ANK3: variants seen among roughly 807,000 people sequenced by gnomAD.
ANK3 encodes the protein ankyrin 3.
In ANK3, 57 loss-of-function variants were observed where a neutral mutation model predicts 370.9. That is an observed-to-expected ratio of 0.15 (90% CI 0.12 to 0.19). The LOEUF is 0.19. Ranked by LOEUF, ANK3 falls within the 10% of genes least tolerant of loss-of-function variation. The pLI is 1.00. For missense variants in ANK3, 4,439 were observed against 5,302.1 expected (o/e 0.84, Z 5.06); for synonymous variants, 1,929 against 1,946.3 (o/e 0.99, Z 0.23).
intron 1 of ANK3, among the ~76,000 whole-genome samples, chr10:60,615,909 C>T (rs531973495): frequency 6.6e-6 from 1 of 152,158 alleles, no homozygotes; most frequent in South Asian, 2.1e-4. Context: ...GGAAGAAATA[C>T]CTTTAGCTCA....
intron 1 of ANK3, among the ~76,000 whole-genome samples, chr10:60,281,652 C>T (rs943280677): frequency 2.0e-5 from 3 of 152,128 alleles, no homozygotes; most frequent in Non-Finnish European, 4.4e-5. Flanking sequence ...ATGAATGCAT[C>T]AACAAATAAG....
At chr10:60,180,703 C>T (rs1419112582) in intron 18 of ANK3, among the ~76,000 whole-genome samples, 1 of 149,366 alleles carries the variant, frequency 6.7e-6, no homozygotes, top group African/African-American at 2.5e-5. Context: ...AGAAAATTTT[C>T]AAAGAAATGT....
intron 2 of ANK3, among the ~76,000 whole-genome samples, chr10:60,405,281 C>T (rs2132913710): frequency 6.6e-6 from 1 of 152,134 alleles, no homozygotes; most frequent in Middle Eastern, 3.4e-3. Context: ...TGTTAATTAA[C>T]AAGTGAATGG....
chr10:60,120,370 A>G (rs530821278), intron 25 of ANK3, among the ~76,000 whole-genome samples: 7 of 152,146 alleles, frequency 4.6e-5, no homozygotes, highest in Non-Finnish European at 1.0e-4. Flanking sequence ...CTAAAAAAAA[A>G]TACATTAGGG....
At chr10:60,338,167 G>A (rs932970230) in intron 1 of ANK3, among the ~76,000 whole-genome samples, 6 of 152,184 alleles carry the variant, frequency 3.9e-5, no homozygotes, top group African/African-American at 1.4e-4. Flanking sequence ...GTGTGAAACA[G>A]AGTACTGATT....
chr10:60,186,666 G>C (rs765157003), intron 17 of ANK3, 49 bp downstream of exon 17: 1 of 1,565,840 alleles, frequency 6.4e-7, no homozygotes, highest in South Asian at 1.1e-5. Flanking sequence ...CTTTCTGAGG[G>C]GTGAGGTTTT....
chr10:60,180,108 C>T (rs2096112795), intron 18 of ANK3, among the ~76,000 whole-genome samples: 1 of 152,092 alleles, frequency 6.6e-6, no homozygotes, highest in African/African-American at 2.4e-5. Context: ...ATTCAAGCAG[C>T]ATAAGAAAAT....
Position 60,687,070 on chromosome 10 carries a change from G to C in ANK3, c.57+46193C>G, listed in dbSNP as rs374935936. Among the ~76,000 whole-genome samples, 59 of 152,290 alleles carry C rather than the reference G, an allele frequency of 3.9e-4. No homozygotes were observed. In the South Asian group the frequency reaches 0.012, roughly 30 times the overall value. Reference sequence around the variant, plus strand: ...TACAGCTTATAGCCTAGGAGCTATAGGCTACAGCCTGGGCGTGTAGTAAAC... The same window carrying C: ...TACAGCTTATAGCCTAGGAGCTATACGCTACAGCCTGGGCGTGTAGTAAAC... On this transcript the variant is annotated intron_variant, in intron 1 of 43. Coordinates refer to the ANK3 transcript ENST00000373827.
Position 60,710,413 on chromosome 10 carries a change from A to T in ANK3, c.57+22850T>A, listed in dbSNP as rs141228835. On this transcript the variant is annotated intron_variant, in intron 1 of 43. Coordinates refer to the ANK3 transcript ENST00000373827. ...ATGGCACCATGAATGGTCTGTGTTT[A>T]TAAGTTTTGATAAATTTTAACTTTT... Among the ~76,000 whole-genome samples the T allele has an allele frequency of 3.6e-3, 504 of 138,174 alleles. 3 individuals carry two copies. The highest frequency in any genetic ancestry group is 0.012 in the African/African-American group (479 of 40,566). 90.6% of individuals were successfully genotyped at this position (138,174 alleles called of 152,430 possible).
rs71015783 is a variant in ANK3, at chr10:60,303,876, ATGTGTGTG to A, written c.115-24245_115-24238del. On this transcript the variant is annotated intron_variant, in intron 1 of 43. Coordinates refer to ENST00000280772, the MANE Select transcript of ANK3 (RefSeq NM_020987.5). ...CTAATGAATAAAATGTGGTGTATATATGTGTGTGTGTGTGTGTGTGTGTGTGTGTGTGT... is the reference window on the plus strand; with the variant it reads ...CTAATGAATAAAATGTGGTGTATATATGTGTGTGTGTGTGTGTGTGTGTGT... Among the ~76,000 whole-genome samples, 891 of 147,532 alleles carry A rather than the reference ATGTGTGTG, an allele frequency of 6.0e-3. 8 individuals are homozygous for A. Among genetic ancestry groups the A allele is most frequent in the African/African-American group, 0.021 (831 of 40,340 alleles).
intron 1 of ANK3, among the ~76,000 whole-genome samples, chr10:60,682,494 G>T (rs970777587): frequency 1.3e-5 from 2 of 151,544 alleles, no homozygotes; most frequent in African/African-American, 4.9e-5. Context: ...ACAGTCTTTT[G>T]TTATAATATT....
At chr10:60,453,652 C>T (rs1289910180) in intron 2 of ANK3, among the ~76,000 whole-genome samples, 1 of 152,064 alleles carries the variant, frequency 6.6e-6, no homozygotes, top group African/African-American at 2.4e-5. Context: ...TTCTTCTGTA[C>T]TCTGACTGAA....
intron 2 of ANK3, among the ~76,000 whole-genome samples, chr10:60,583,165 C>G (rs1302741616): frequency 6.6e-6 from 1 of 152,114 alleles, no homozygotes; most frequent in East Asian, 1.9e-4. Flanking sequence ...CAATGGAATA[C>G]TATTCAACCA....
At chr10:60,511,248 T>G (rs953239471) in intron 2 of ANK3, among the ~76,000 whole-genome samples, 1 of 152,146 alleles carries the variant, frequency 6.6e-6, no homozygotes, top group Non-Finnish European at 1.5e-5. Context: ...AGCAAGAGAA[T>G]GTTGGCCAAT....
intron 2 of ANK3, among the ~76,000 whole-genome samples, chr10:60,487,745 G>A (rs1009015388): frequency 2.1e-4 from 31 of 147,570 alleles, no homozygotes; most frequent in African/African-American, 2.0e-4. Context: ...ACAGAGTCTC[G>A]CTCTTGTTGC....
chr10:60,164,236 G>A (rs1407734968), intron 23 of ANK3, among the ~76,000 whole-genome samples: 2 of 152,086 alleles, frequency 1.3e-5, no homozygotes, highest in African/African-American at 4.8e-5. Context: ...CAAAATTTAG[G>A]GACCTTAGCA....
At chr10:60,323,848 G>A (rs1300949531) in intron 1 of ANK3, among the ~76,000 whole-genome samples, 1 of 152,180 alleles carries the variant, frequency 6.6e-6, no homozygotes, top group Non-Finnish European at 1.5e-5. Context: ...GTGGTCAAAT[G>A]TGCCAGATGC....
At chr10:60,462,841 G>A (rs936527863) in intron 2 of ANK3, among the ~76,000 whole-genome samples, 1 of 151,662 alleles carries the variant, frequency 6.6e-6, no homozygotes, top group African/African-American at 2.4e-5. Flanking sequence ...CCAAAGCTAA[G>A]AATTTCTGTC....
At chr10:60,634,570 G>A (rs1399539403) in intron 1 of ANK3, among the ~76,000 whole-genome samples, 1 of 152,120 alleles carries the variant, frequency 6.6e-6, no homozygotes, top group African/African-American at 2.4e-5. Flanking sequence ...CCGATCAGGA[G>A]GATGTGTGTG....
Sources: allele counts gnomAD v4.1 joint callset (sites outside exome capture counted in the v4.1 genomes callset), GRCh38; gene constraint gnomAD v4.1.1; transcripts MANE v1.5; gene names NCBI Gene and HGNC (gene_info 2026-07-23, HGNC 2026-07-21).